The following MTFR2 variants were observed in gnomAD, a reference collection of about 807,000 sequenced individuals.
The protein encoded by MTFR2 is DUF729 domain-containing protein 1.
In MTFR2, 44 loss-of-function variants were observed where a neutral mutation model predicts 41.2. The observed-to-expected ratio is 1.07, with a 90% CI of 0.84 to 1.37. MTFR2 has a LOEUF of 1.37. Ranked by LOEUF, MTFR2 falls within the 40% of genes most tolerant of loss-of-function variation. The pLI is 0.00. For missense variants in MTFR2, 452 were observed against 459.5 expected (o/e 0.98, Z 0.15); for synonymous variants, 141 against 154.6 (o/e 0.91, Z 0.65).
chr6:136,241,620 A>G lies in MTFR2; in HGVS notation c.338T>C (p.Leu113Pro). ...EKVEIFHPLR[L>P]VRDPLSPAVR... Reference sequence around the variant, plus strand: ...AGCAGGTGACAGTGGATCCCGAACTAGTCGCAAAGGATGAAAAATTTCCAC... The same window carrying G: ...AGCAGGTGACAGTGGATCCCGAACTGGTCGCAAAGGATGAAAAATTTCCAC... Residue 113 changes from leucine (L) to proline (P), a missense_variant, in exon 5 of 8, where the codon CTA becomes CCA. Coordinates refer to ENST00000420702, the MANE Select transcript of MTFR2 (RefSeq NM_001099286.3). 6.2e-7 allele frequency: 1 copy of G among 1,613,906 alleles called. No homozygotes were observed. Among genetic ancestry groups the G allele is most frequent in the Non-Finnish European group, 8.5e-7 (1 of 1,179,962 alleles).
At chr6:136,231,498 T>C in intron 7 of MTFR2, 110 bp from the exon 8 acceptor site, 1 of 660,304 alleles carries the variant, frequency 1.5e-6, no homozygotes, top group Non-Finnish European at 2.6e-6. Flanking sequence ...CAATATTTAT[T>C]TACCGTATTT....
At chr6:136,248,348 C>A (rs948448802) in intron 2 of MTFR2, among the ~76,000 whole-genome samples, 1 of 152,150 alleles carries the variant, frequency 6.6e-6, no homozygotes, top group Non-Finnish European at 1.5e-5. Context: ...ATTATCCTCA[C>A]GTGTCAAGGG....
At chr6:136,233,888 G>T (rs1328713915) in intron 6 of MTFR2, among the ~76,000 whole-genome samples, 1 of 151,658 alleles carries the variant, frequency 6.6e-6, no homozygotes, top group Non-Finnish European at 1.5e-5. Context: ...TCATTTGTTT[G>T]GTTGTTCATT....
intron 2 of MTFR2, among the ~76,000 whole-genome samples, chr6:136,245,985 T>C (rs1183000722): frequency 6.6e-6 from 1 of 152,152 alleles, no homozygotes; most frequent in Non-Finnish European, 1.5e-5. Flanking sequence ...CTAGAGGATA[T>C]AGATCCCAGA....
At chr6:136,249,212 A>G (rs1583978219) in intron 1 of MTFR2, 59 bp from the exon 2 acceptor site, 1 of 727,868 alleles carries the variant, frequency 1.4e-6, no homozygotes, top group South Asian at 2.2e-5. Flanking sequence ...ATTGTACTAC[A>G]TAACCTGGAA....
At position 136,241,679 on chromosome 6, in the gene MTFR2, G is replaced by C; in HGVS notation, c.282-3C>G. 2.5e-6 allele frequency: 4 copies of C among 1,595,522 alleles called. No individual in the cohort carries two copies. Among genetic ancestry groups the C allele is most frequent in the Non-Finnish European group, 3.4e-6 (4 of 1,172,566 alleles). On this transcript the variant is annotated splice_polypyrimidine_tract_variant and splice_region_variant and intron_variant, in intron 4 of 7. Coordinates refer to ENST00000420702, the MANE Select transcript of MTFR2 (RefSeq NM_001099286.3). ...CTTCATTTTTCCATATACTATTTCT[G>C]TGGGTGAAAAAAAATAGGAAATGGA...
At chr6:136,240,817 C>G (rs1037251347) in intron 5 of MTFR2, among the ~76,000 whole-genome samples, 1 of 152,152 alleles carries the variant, frequency 6.6e-6, no homozygotes, top group East Asian at 1.9e-4. Context: ...GAGGGCCGGG[C>G]GCGGTGGCTC....
intron 6 of MTFR2, among the ~76,000 whole-genome samples, chr6:136,234,742 A>T (rs1010156548): frequency 2.0e-5 from 3 of 152,174 alleles, no homozygotes; most frequent in Non-Finnish European, 4.4e-5. Context: ...AAAACAGATC[A>T]CTGAGGAGGC....
In MTFR2 at chr6:136,242,986, A is replaced by C. The variant is rs759240326; in HGVS notation, c.169-13T>G. On this transcript the variant is annotated splice_polypyrimidine_tract_variant and intron_variant, in intron 3 of 7. Coordinates refer to ENST00000420702, the MANE Select transcript of MTFR2 (RefSeq NM_001099286.3). ...AGAGCGGGATCAACTAAAGTAAAAA[A>C]AGAAAAAAATAGTCAGAGCTCTGCA... is the stretch of plus-strand genomic sequence containing the variant. 1.3e-6 allele frequency: 2 copies of C among 1,582,338 alleles called. No homozygotes were observed. Among genetic ancestry groups the C allele is most frequent in the East Asian group, 2.3e-5 (1 of 44,064 alleles).
chr6:136,240,857 C>A (rs571010785), intron 5 of MTFR2, among the ~76,000 whole-genome samples: 9 of 152,092 alleles, frequency 5.9e-5, no homozygotes, highest in Admixed American at 1.3e-4. Context: ...TTTGGGAGGC[C>A]AAGGCGGGCA....
chr6:136,231,299 T>C lies in MTFR2; in HGVS notation c.1134A>G (p.Thr378=). Residue 378 remains threonine (T), a synonymous_variant, in exon 8 of 8, where the codon ACA becomes ACG. Coordinates refer to ENST00000420702, the MANE Select transcript of MTFR2 (RefSeq NM_001099286.3). ...TTTAAATCCTTGAGTTTAGAAGGCT[T>C]GTGTTGCTGATACCTTGGTCAACAG... ...TKAVDQGISN[T]SLLNSRI is the part of the protein sequence containing the mutation. 40 of 1,612,120 alleles carry C rather than the reference T, an allele frequency of 2.5e-5. No homozygotes were observed. Among genetic ancestry groups the C allele is most frequent in the Non-Finnish European group, 3.4e-5 (40 of 1,179,034 alleles).
At position 136,250,107 on chromosome 6, in the gene MTFR2, T is replaced by C. The variant is rs1780326803; in HGVS notation, c.-186A>G. 6.6e-6 allele frequency: 1 copy of C among 152,502 alleles called. No individual in the cohort carries two copies. The allele number at this position is 152,502 out of a possible 1,614,324, so 9.4% of individuals were successfully genotyped here. On this transcript the variant is annotated 5_prime_UTR_variant, in exon 1 of 8. Transcript: ENST00000420702. ...GACGTCTACCCAGACCTCGACCCAG[T>C]TTCCACCCGCGCGCCTCGGCTTGCA...
chr6:136,231,669 T>TAAAAAAAAAAAAA (rs71006791), intron 7 of MTFR2, among the ~76,000 whole-genome samples: 251 of 82,834 alleles, frequency 3.0e-3, no homozygotes, highest in African/African-American at 0.011. Flanking sequence ...AAAAACTATG[T>TAAAAAAAAAAAAA]AAAAAAAAAA....
chr6:136,238,608 T>A (rs1779966595), intron 6 of MTFR2, among the ~76,000 whole-genome samples: 1 of 151,952 alleles, frequency 6.6e-6, no homozygotes, highest in Non-Finnish European at 1.5e-5. Flanking sequence ...TTGTACAACA[T>A]TGTGCTTAAC....
chr6:136,239,537 T>C lies in MTFR2; in HGVS notation c.798A>G (p.Arg266=), dbSNP rs150862357. ...TNYSHHSKSQ[R]NKDIPNMLDV... is the part of the protein sequence containing the mutation. Reference sequence around the variant, plus strand: ...CCAACATGTTTGGAATATCTTTATTTCTCTGGCTTTTTGAATGATGACTAT... The same window carrying C: ...CCAACATGTTTGGAATATCTTTATTCCTCTGGCTTTTTGAATGATGACTAT... The change falls in exon 6 of 8, where the codon AGA becomes AGG. Residue 266 remains arginine, a synonymous_variant. Transcript: ENST00000420702. The C allele has an allele frequency of 1.0e-3, 1,643 of 1,614,184 alleles. 1 individual carries two copies. Among genetic ancestry groups the C allele is most frequent in the South Asian group, 1.3e-3 (115 of 91,084 alleles).
intron 6 of MTFR2, among the ~76,000 whole-genome samples, chr6:136,236,067 A>G (rs1446661731): frequency 1.3e-5 from 2 of 152,226 alleles, no homozygotes; most frequent in South Asian, 2.1e-4. Flanking sequence ...GCAGTTTTCA[A>G]TGGAGTTTTC....
rs1277975918 is a variant in MTFR2, at chr6:136,250,020, G to C, written c.-99C>G. The C allele has an allele frequency of 2.6e-5, 4 of 152,186 alleles. No homozygotes were observed. The highest frequency in any genetic ancestry group is 2.1e-4 in the South Asian group (1 of 4,824). The allele number at this position is 152,186 out of a possible 1,614,324, so 9.4% of individuals were successfully genotyped here. On this transcript the variant is annotated 5_prime_UTR_variant, in exon 1 of 8. Coordinates refer to ENST00000420702, the MANE Select transcript of MTFR2 (RefSeq NM_001099286.3). ...CCCGGGAATCACCAGAACATCAAGC[G>C]GAGGGCGTTAGGAATCCTCAATCAA...
chr6:136,241,067 G>A (rs1455085661), intron 5 of MTFR2, among the ~76,000 whole-genome samples: 3 of 150,976 alleles, frequency 2.0e-5, no homozygotes, highest in Non-Finnish European at 2.9e-5. Context: ...CTCCAGCCTG[G>A]GCGACAGAGC....
chr6:136,240,845 A>G (rs927266542), intron 5 of MTFR2, among the ~76,000 whole-genome samples: 1 of 152,210 alleles, frequency 6.6e-6, no homozygotes, highest in African/African-American at 2.4e-5. Context: ...TAATCCCAGC[A>G]CTTTGGGAGG....
Sources: allele counts gnomAD v4.1 joint callset (sites outside exome capture counted in the v4.1 genomes callset), GRCh38; gene constraint gnomAD v4.1.1; transcripts MANE v1.5; gene names NCBI Gene and HGNC (gene_info 2026-07-23, HGNC 2026-07-21).